The following CRPPA variants were observed in gnomAD, a reference collection of about 807,000 sequenced individuals.
CRPPA encodes the protein CDP-L-ribitol pyrophosphorylase A, also known as D-ribitol-5-phosphate cytidylyltransferase.
CRPPA carries 43 observed loss-of-function variants against 52.0 expected under a neutral mutation model. The ratio of observed to expected loss-of-function variants is 0.83; its 90% confidence interval spans 0.65 to 1.07. CRPPA has a LOEUF of 1.07. Among genes scored for constraint, CRPPA ranks in the 50% least tolerant of loss-of-function variants. CRPPA has a pLI of 0.00. For missense variants in CRPPA, 629 were observed against 551.7 expected (o/e 1.14, Z -1.40); for synonymous variants, 250 against 203.5 (o/e 1.23, Z -1.94).
chr7:16,390,717 T>A (rs1414514637), intron 2 of CRPPA, among the ~76,000 whole-genome samples: 1 of 152,306 alleles, frequency 6.6e-6, no homozygotes, highest in Non-Finnish European at 1.5e-5. Flanking sequence ...CAAAAATGAC[T>A]TGTGAATCAC....
intron 3 of CRPPA, among the ~76,000 whole-genome samples, chr7:16,327,433 A>C (rs2128428892): frequency 6.6e-6 from 1 of 151,978 alleles, no homozygotes; most frequent in South Asian, 2.1e-4. Flanking sequence ...TCTACTAAAA[A>C]TACAAAAAAA....
chr7:16,179,331 C>T (rs1374255540), intron 9 of CRPPA, among the ~76,000 whole-genome samples: 1 of 152,038 alleles, frequency 6.6e-6, no homozygotes, highest in Non-Finnish European at 1.5e-5. Context: ...GATGTCCATT[C>T]TTAAATTCTA....
intron 9 of CRPPA, among the ~76,000 whole-genome samples, chr7:16,169,568 G>C (rs1343637563): frequency 6.6e-6 from 1 of 152,236 alleles, no homozygotes; most frequent in Non-Finnish European, 1.5e-5. Context: ...GGCAGCTTAA[G>C]CATGAAATTG....
chr7:16,197,135 G>T (rs1157778679), intron 9 of CRPPA, among the ~76,000 whole-genome samples: 1 of 152,088 alleles, frequency 6.6e-6, no homozygotes, highest in Non-Finnish European at 1.5e-5. Flanking sequence ...ATGCTGGAGG[G>T]CAAGAAGGAA....
intron 3 of CRPPA, among the ~76,000 whole-genome samples, chr7:16,370,791 C>T (rs561336270): frequency 6.6e-6 from 1 of 152,250 alleles, no homozygotes; most frequent in South Asian, 2.1e-4. Context: ...CCACCTGCCA[C>T]CCCATACACC....
Position 16,308,558 on chromosome 7 carries a change from CT to C in CRPPA, c.753del (p.Ala252ProfsTer4). 1 of 1,610,708 alleles carries C rather than the reference CT, an allele frequency of 6.2e-7. No individual in the cohort carries two copies. ...LQLALKYCCTKAKLVEGSPDL... is the reference protein window; with the variant it reads ...LQLALKYCCTXAKLVEGSPDL... ...TCAGGTGATCCTTCTACAAGTTTGG[CT>C]TTAGTGCAACAGTATTTTAGGGCCA... On this transcript the variant is annotated frameshift_variant, in exon 4 of 10. Transcript: ENST00000407010. LOFTEE classifies it high-confidence loss of function.
At chr7:16,384,841 C>T (rs932358235) in intron 2 of CRPPA, among the ~76,000 whole-genome samples, 1 of 152,156 alleles carries the variant, frequency 6.6e-6, no homozygotes, top group Non-Finnish European at 1.5e-5. Flanking sequence ...GAGGAACTGC[C>T]TATGAGAAGG....
At chr7:16,258,518 C>T (rs752710370) in intron 7 of CRPPA, 36 bp from the exon 8 acceptor site, 28 of 1,280,188 alleles carry the variant, frequency 2.2e-5, no homozygotes, top group South Asian at 1.2e-4. Flanking sequence ...TATGAGAAGA[C>T]GTTTTTAAAT....
At chr7:16,109,041 C>T (rs565668020) in intron 9 of CRPPA, among the ~76,000 whole-genome samples, 3 of 151,352 alleles carry the variant, frequency 2.0e-5, no homozygotes, top group Admixed American at 6.6e-5. Context: ...AAGACAAACT[C>T]GGCCTTAAGT....
At chr7:16,299,620 C>T (rs906804270) in intron 5 of CRPPA, among the ~76,000 whole-genome samples, 1 of 152,172 alleles carries the variant, frequency 6.6e-6, no homozygotes, top group Non-Finnish European at 1.5e-5. Context: ...ATTAGATATA[C>T]AAACCCTAAA....
intron 9 of CRPPA, among the ~76,000 whole-genome samples, chr7:16,150,803 G>C (rs1527204): frequency 0.84 from 127,346 of 152,194 alleles, 53,683 homozygotes; most frequent in Admixed American, 0.9. Flanking sequence ...CAGCAACTGG[G>C]AAGGGTCTTT....
At chr7:16,094,241 T>C (rs966644360) in intron 9 of CRPPA, among the ~76,000 whole-genome samples, 4 of 152,188 alleles carry the variant, frequency 2.6e-5, no homozygotes, top group Non-Finnish European at 2.9e-5. Flanking sequence ...GAACATTTGT[T>C]TTCCCTCTCT....
intron 6 of CRPPA, among the ~76,000 whole-genome samples, chr7:16,275,187 C>T (rs185657229): frequency 2.2e-4 from 34 of 152,234 alleles, no homozygotes; most frequent in Admixed American, 2.0e-3. Context: ...CAGAAAACAA[C>T]AAAATCATCA....
intron 8 of CRPPA, among the ~76,000 whole-genome samples, chr7:16,254,792 G>GGAAGGAAAGAAAGAAAGAAA (rs1392503305): frequency 5.4e-4 from 55 of 101,752 alleles, no homozygotes; most frequent in East Asian, 9.2e-4. Flanking sequence ...AAAGAAAGAA[G>GGAAGGAAAGAAAGAAAGAAA]GAAAGAAAGA....
At position 16,328,941 on chromosome 7, in the gene CRPPA, G is replaced by A. The variant is rs139811492; in HGVS notation, c.685-20314C>T. ...CAGCACACAGTTTGGGCCATAGGAC[G>A]AAACATGGACCCTTTGAAAATTGCT... On this transcript the variant is annotated intron_variant, in intron 3 of 9. Transcript: ENST00000407010. 1.6e-4 allele frequency among the ~76,000 whole-genome samples: 24 copies of A among 152,228 alleles called. 2 individuals carry two copies. In the East Asian group the frequency reaches 4.1e-3, roughly 26 times the overall value.
intron 2 of CRPPA, among the ~76,000 whole-genome samples, chr7:16,385,833 C>A (rs576359056): frequency 1.3e-5 from 2 of 152,204 alleles, no homozygotes; most frequent in Non-Finnish European, 2.9e-5. Context: ...GGCTGCCATA[C>A]ACTCAAACCC....
chr7:16,155,782 CTG>C (rs1229184331), intron 9 of CRPPA, among the ~76,000 whole-genome samples: 1 of 152,160 alleles, frequency 6.6e-6, no homozygotes, highest in African/African-American at 2.4e-5. Flanking sequence ...GGATTTTTAA[CTG>C]TGCAGTGGGT....
intron 9 of CRPPA, among the ~76,000 whole-genome samples, chr7:16,199,989 C>G (rs1781815422): frequency 6.6e-6 from 1 of 151,466 alleles, no homozygotes; most frequent in Non-Finnish European, 1.5e-5. Flanking sequence ...TGCTGAGTAG[C>G]TGGGATTAGA....
intron 9 of CRPPA, among the ~76,000 whole-genome samples, chr7:16,123,813 C>A (rs898916008): frequency 1.3e-5 from 2 of 152,134 alleles, no homozygotes; most frequent in Admixed American, 6.5e-5. Context: ...GAAAGGTTTT[C>A]TCCAACACCA....
Sources: allele counts gnomAD v4.1 joint callset (sites outside exome capture counted in the v4.1 genomes callset), GRCh38; gene constraint gnomAD v4.1.1; transcripts MANE v1.5; gene names NCBI Gene and HGNC (gene_info 2026-07-23, HGNC 2026-07-21).